The following KAZN variants were observed in gnomAD, a reference collection of about 807,000 sequenced individuals.
KAZN encodes the protein kazrin, periplakin interacting protein.
Under a neutral mutation model 87.4 loss-of-function variants are expected in KAZN, and 40 were observed. That is an observed-to-expected ratio of 0.46 (90% confidence interval 0.36 to 0.60). The LOEUF (loss-of-function observed/expected upper bound fraction) is 0.60. Ranked by LOEUF, KAZN falls within the 20% of genes least tolerant of loss-of-function variation. The probability of loss-of-function intolerance (pLI) is 0.00; values close to 1 mark genes in which losing one functional copy is unlikely to be tolerated. For synonymous variants in KAZN, 466 were observed against 458.3 expected (o/e 1.02, Z -0.22); for missense variants, 898 against 1,073.9 (o/e 0.84, Z 2.29).
rs1572195890 is a variant in KAZN at position 14,675,639 on chromosome 1, T to A, written c.226+76416T>A. ...TTTTTTGGCATGCCTATTACCCATC[T>A]CCATCATTAGAACTTACATTTCAGA... On this transcript the variant is annotated intron_variant, in intron 1 of 14. Transcript: ENST00000376030. 3.9e-5 allele frequency among the ~76,000 whole-genome samples: 6 copies of A among 152,314 alleles called. 1 individual carries two copies. Among genetic ancestry groups the A allele is most frequent in the African/African-American group, 1.4e-4 (6 of 41,580 alleles).
chr1:15,030,865 A>C (rs926884149), intron 2 of KAZN, among the ~76,000 whole-genome samples: 3 of 152,208 alleles, frequency 2.0e-5, no homozygotes, highest in South Asian at 4.1e-4. Flanking sequence ...GGAGCCAGGA[A>C]GCTCAAAGCT....
chr1:14,660,597 C>G lies in KAZN; in HGVS notation c.226+61374C>G, dbSNP rs370743511. Among the ~76,000 whole-genome samples, 76 of 139,732 alleles carry G rather than the reference C, an allele frequency of 5.4e-4. 1 individual carries two copies. Among genetic ancestry groups the G allele is most frequent in the African/African-American group, 2.0e-3 (72 of 36,462 alleles). The allele number at this position is 139,732 out of a possible 152,430, so 91.7% of individuals were successfully genotyped here. A position where few individuals can be genotyped will look rare whatever the true frequency, so the allele number is the denominator to read the frequency against. On this transcript the variant is annotated intron_variant, in intron 1 of 14. Coordinates refer to ENST00000376030, the MANE Select transcript of KAZN (RefSeq NM_201628.3). ...ACTGAAGCCACACGGCTGATCAGCA[C>G]CAGAGCTGGGATTCAAACCCAGGTC...
chr1:14,507,531 C>A (rs1394351659), intron 2 of KAZN, among the ~76,000 whole-genome samples: 1 of 152,140 alleles, frequency 6.6e-6, no homozygotes. Context: ...TCAGTGCATC[C>A]GCCAGGGATC....
chr1:14,177,539 C>A (rs1282075234), intron 1 of KAZN, among the ~76,000 whole-genome samples: 1 of 152,200 alleles, frequency 6.6e-6, no homozygotes, highest in Non-Finnish European at 1.5e-5. Flanking sequence ...TGTACATTGG[C>A]AATTTCGGTT....
chr1:14,279,430 G>A (rs979847698), intron 2 of KAZN, among the ~76,000 whole-genome samples: 1 of 152,148 alleles, frequency 6.6e-6, no homozygotes, highest in Non-Finnish European at 1.5e-5. Context: ...AGAGTCACAC[G>A]AAGGCATTTT....
chr1:14,586,525 G>GTTTTTTTTTTTTTTTTTTTTTTTGTT (rs371736294), intron 2 of KAZN, among the ~76,000 whole-genome samples: 1 of 125,230 alleles, frequency 8.0e-6, no homozygotes, highest in African/African-American at 3.1e-5. Flanking sequence ...TTTCTTTCTG[G>GTTTTTTTTTTTTTTTTTTTTTTTGTT]TTTTTTTTTT....
chr1:13,985,225 C>T (rs1343962436), intron 1 of KAZN, among the ~76,000 whole-genome samples: 1 of 151,242 alleles, frequency 6.6e-6, no homozygotes, highest in Non-Finnish European at 1.5e-5. Context: ...TATTATTATA[C>T]TTTAAGTTTT....
chr1:14,364,105 T>G (rs1304320969), intron 2 of KAZN, among the ~76,000 whole-genome samples: 1 of 152,170 alleles, frequency 6.6e-6, no homozygotes, highest in Non-Finnish European at 1.5e-5. Context: ...AAGGCCCTTT[T>G]CATTAGAGAT....
intron 1 of KAZN, among the ~76,000 whole-genome samples, chr1:14,044,875 C>G (rs139021884): frequency 2.6e-5 from 4 of 152,302 alleles, no homozygotes; most frequent in Admixed American, 1.3e-4. Context: ...TATGAGATTT[C>G]TGAGGCTAAG....
At chr1:15,002,519 C>A (rs1668591426) in intron 2 of KAZN, among the ~76,000 whole-genome samples, 1 of 152,144 alleles carries the variant, frequency 6.6e-6, no homozygotes, top group Admixed American at 6.5e-5. Flanking sequence ...CTAGCTTGGC[C>A]AGTGACTCTC....
chr1:14,646,375 G>T (rs541226783), intron 1 of KAZN, among the ~76,000 whole-genome samples: 1 of 152,158 alleles, frequency 6.6e-6, no homozygotes, highest in African/African-American at 2.4e-5. Flanking sequence ...TTGTGCCACT[G>T]CCCTCTAGCC....
chr1:15,025,328 C>A (rs79215283), intron 2 of KAZN, among the ~76,000 whole-genome samples: 4,111 of 152,306 alleles, frequency 0.027, 96 homozygotes, highest in African/African-American at 0.062. Context: ...TCATTTTCTA[C>A]CAGTTGAGAA....
Position 14,514,368 on chromosome 1 carries a change from T to C in KAZN, c.250-84615T>C, listed in dbSNP as rs1470884821. On this transcript the variant is annotated intron_variant, in intron 2 of 16. Coordinates refer to the KAZN transcript ENST00000636203. ...TTTATATATATTATATATATATTTA[T>C]ATATATAATATATATATATTATATA... Among the ~76,000 whole-genome samples the C allele has an allele frequency of 2.1e-4, 4 of 19,290 alleles. 2 individuals carry two copies. The highest frequency in any genetic ancestry group is 3.6e-4 in the Non-Finnish European group (4 of 10,984). 12.7% of individuals were successfully genotyped at this position (19,290 alleles called of 152,430 possible).
intron 1 of KAZN, among the ~76,000 whole-genome samples, chr1:13,896,548 TC>T (rs1557706362): frequency 6.6e-6 from 1 of 152,142 alleles, no homozygotes; most frequent in Non-Finnish European, 1.5e-5. Flanking sequence ...TGTCTCAGCC[TC>T]CCCAGATACT....
intron 1 of KAZN, among the ~76,000 whole-genome samples, chr1:13,949,338 C>T (rs1641262086): frequency 6.6e-6 from 1 of 152,058 alleles, no homozygotes; most frequent in Non-Finnish European, 1.5e-5. Flanking sequence ...TCTGCAGGGG[C>T]CTGGGCCAGC....
At chr1:15,035,026 G>T in intron 3 of KAZN, 141 bp downstream of exon 3, 1 of 1,039,510 alleles carries the variant, frequency 9.6e-7, no homozygotes, top group Non-Finnish European at 1.4e-6. Context: ...GCCAGGCCTA[G>T]GCACCGAGAT....
chr1:14,850,752 G>C (rs1334643487), intron 1 of KAZN, among the ~76,000 whole-genome samples: 1 of 152,180 alleles, frequency 6.6e-6, no homozygotes, highest in Non-Finnish European at 1.5e-5. Context: ...CACCCAGAAA[G>C]TCCCACAAAG....
chr1:14,993,567 C>T lies in KAZN; in HGVS notation c.418+32692C>T, dbSNP rs570839160. 5.3e-5 allele frequency among the ~76,000 whole-genome samples: 8 copies of T among 152,316 alleles called. 1 individual carries two copies. The East Asian group carries it at 1.5e-3, about 30-fold the overall frequency. ...AGAGTCTGCAGACCTGGTCCCAGCC[C>T]TAACAAGCAGTGTTCTCGGCCTGCA... is the stretch of plus-strand genomic sequence containing the variant. On this transcript the variant is annotated intron_variant, in intron 2 of 14. Transcript: ENST00000376030.
rs534006046 is a variant in KAZN, at chr1:14,817,019, A to G, written c.227-143665A>G. ...AGAGAGATAACTCACCCAAGTTCCA[A>G]CAGTGGCCATTGGCCAAGCTGGAGT... On this transcript the variant is annotated intron_variant, in intron 1 of 14. Coordinates refer to ENST00000376030, the MANE Select transcript of KAZN (RefSeq NM_201628.3). Among the ~76,000 whole-genome samples, 4 of 152,358 alleles carry G rather than the reference A, an allele frequency of 2.6e-5. No homozygotes were observed. In the East Asian group the frequency reaches 7.7e-4, roughly 29 times the overall value.
Sources: gnomAD v4.1 joint callset for allele counts (sites outside exome capture counted in the v4.1 genomes callset) on GRCh38, gnomAD v4.1.1 for gene constraint, MANE v1.5 for transcripts, NCBI Gene and HGNC (gene_info 2026-07-23, HGNC 2026-07-21) for gene names.